ANK3: variants seen among roughly 807,000 people sequenced by gnomAD.
The protein encoded by ANK3 is ankyrin-3.
In ANK3, 57 loss-of-function variants were observed where a neutral mutation model predicts 370.9. That is an observed-to-expected ratio of 0.15 (90% CI 0.12 to 0.19). The LOEUF (loss-of-function observed/expected upper bound fraction) is 0.19, where lower values mean the gene tolerates loss of function less well. Ranked by LOEUF, ANK3 falls within the 10% of genes least tolerant of loss-of-function variation. ANK3 has a pLI of 1.00. For synonymous variants in ANK3, 1,929 were observed against 1,946.3 expected, an observed-to-expected ratio of 0.99 and a Z score of 0.23; for missense variants, 4,439 against 5,302.1, an observed-to-expected ratio of 0.84 and a Z score of 5.06.
intron 2 of ANK3, among the ~76,000 whole-genome samples, chr10:60,443,972 T>C (rs1254056794): frequency 6.6e-6 from 1 of 152,178 alleles, no homozygotes; most frequent in African/African-American, 2.4e-5. Flanking sequence ...CCTTGGGCTC[T>C]TGAACTCACC....
intron 1 of ANK3, among the ~76,000 whole-genome samples, chr10:60,315,674 C>T (rs1482289393): frequency 6.6e-6 from 1 of 152,068 alleles, no homozygotes; most frequent in Non-Finnish European, 1.5e-5. Flanking sequence ...TTTAGCTTCA[C>T]TTGTTTAATT....
At chr10:60,492,396 G>C (rs74826640) in intron 2 of ANK3, among the ~76,000 whole-genome samples, 18,683 of 152,016 alleles carry the variant, frequency 0.12, 1,308 homozygotes, top group African/African-American at 0.18. Flanking sequence ...AACAGCATGA[G>C]GATAGACACT....
chr10:60,555,539 GAACA>G (rs2077187187), intron 2 of ANK3, among the ~76,000 whole-genome samples: 1 of 151,782 alleles, frequency 6.6e-6, no homozygotes, highest in East Asian at 1.9e-4. Context: ...TATAAGGCAA[GAACA>G]AATTTAAAAG....
At chr10:60,352,210 G>C (rs948465866) in intron 1 of ANK3, among the ~76,000 whole-genome samples, 5 of 152,196 alleles carry the variant, frequency 3.3e-5, no homozygotes, top group Non-Finnish European at 5.9e-5. Flanking sequence ...CATGAGAATT[G>C]CTTGAGCCCA....
At chr10:60,559,204 T>A (rs1349549062) in intron 2 of ANK3, among the ~76,000 whole-genome samples, 1 of 152,140 alleles carries the variant, frequency 6.6e-6, no homozygotes, top group African/African-American at 2.4e-5. Context: ...GATGTGGATG[T>A]ACCCATCACC....
intron 1 of ANK3, among the ~76,000 whole-genome samples, chr10:60,715,447 C>T (rs1050767756): frequency 6.6e-6 from 1 of 151,896 alleles, no homozygotes; most frequent in Non-Finnish European, 1.5e-5. Flanking sequence ...AAACATAAAT[C>T]CAAGATTTTA....
rs1187817117 is a variant in ANK3 at position 60,213,365 on chromosome 10, A to G, written c.996+47T>C. On this transcript the variant is annotated intron_variant, in intron 9 of 43. Coordinates refer to ENST00000280772, the MANE Select transcript of ANK3 (RefSeq NM_020987.5). ...ATTCAAAAGGCTAGATCATATAACC[A>G]TCAAAATAAATACAGTCCAATGTCC... is the stretch of plus-strand genomic sequence containing the variant. 4.5e-6 allele frequency: 6 copies of G among 1,346,614 alleles called. No homozygotes were observed. In the African/African-American group the frequency reaches 5.8e-5, roughly 13 times the overall value. The allele number at this position is 1,346,614 out of a possible 1,614,324, so 83.4% of individuals were successfully genotyped here. A position where few individuals can be genotyped will look rare whatever the true frequency, so the allele number is the denominator to read the frequency against.
intron 15 of ANK3, 118 bp downstream of exon 15, chr10:60,196,409 C>T (rs956548776): frequency 2.3e-5 from 21 of 918,316 alleles, no homozygotes; most frequent in Middle Eastern, 2.2e-4. Context: ...AAGTGCTCTT[C>T]ATCCTAGTGG....
chr10:60,636,223 TTCTC>T (rs1371590713), intron 1 of ANK3, among the ~76,000 whole-genome samples: 1 of 152,208 alleles, frequency 6.6e-6, no homozygotes, highest in Admixed American at 6.5e-5. Flanking sequence ...GAAATTTAGC[TTCTC>T]TTTTTCTAAA....
At chr10:60,666,497 G>A (rs1045058037) in intron 1 of ANK3, among the ~76,000 whole-genome samples, 32 of 152,174 alleles carry the variant, frequency 2.1e-4, no homozygotes, top group African/African-American at 7.2e-4. Context: ...GAGTTCTGGA[G>A]ATGAGTGTTT....
chr10:60,232,736 G>T (rs1027709212), intron 8 of ANK3, among the ~76,000 whole-genome samples: 5 of 152,158 alleles, frequency 3.3e-5, no homozygotes, highest in Non-Finnish European at 7.3e-5. Context: ...TAGGGTCAAA[G>T]TACAGAATAC....
At chr10:60,302,335 G>T (rs1454281305) in intron 1 of ANK3, among the ~76,000 whole-genome samples, 2 of 152,064 alleles carry the variant, frequency 1.3e-5, no homozygotes, top group East Asian at 3.9e-4. Flanking sequence ...ATATTATGTT[G>T]AACCATATGA....
At chr10:60,163,451 A>C (rs916973181) in intron 23 of ANK3, among the ~76,000 whole-genome samples, 2 of 152,170 alleles carry the variant, frequency 1.3e-5, no homozygotes, top group Non-Finnish European at 2.9e-5. Context: ...TCAACTTTGC[A>C]ACTTGGCCCC....
chr10:60,471,886 T>C (rs1317016599), intron 2 of ANK3, among the ~76,000 whole-genome samples: 1 of 151,972 alleles, frequency 6.6e-6, no homozygotes, highest in African/African-American at 2.4e-5. Context: ...TACTGGAGCT[T>C]TCCTATACCG....
Position 60,080,507 on chromosome 10 carries a change from G to A in ANK3, c.4432+30C>T, listed in dbSNP as rs748299362. On this transcript the variant is annotated intron_variant, in intron 36 of 43. Coordinates refer to ENST00000280772, the MANE Select transcript of ANK3 (RefSeq NM_020987.5). Reference sequence around the variant, plus strand: ...AATGTCTCTTCTTATGAAAATCCACGTAGATTAGTAAATGTGTTAGGAAAC... The same window carrying A: ...AATGTCTCTTCTTATGAAAATCCACATAGATTAGTAAATGTGTTAGGAAAC... The A allele has an allele frequency of 3.9e-5, 61 of 1,579,200 alleles. 2 individuals are homozygous for A. The highest frequency in any genetic ancestry group is 3.4e-4 in the South Asian group (30 of 88,936).
At chr10:60,658,341 C>T (rs1003341735) in intron 1 of ANK3, among the ~76,000 whole-genome samples, 1 of 151,398 alleles carries the variant, frequency 6.6e-6, no homozygotes, top group African/African-American at 2.4e-5. Flanking sequence ...TCTGCTGTAT[C>T]TCTTCATTTT....
chr10:60,144,344 A>C (rs2094709118), intron 23 of ANK3: 1 of 290,310 alleles, frequency 3.4e-6, no homozygotes, highest in African/African-American at 2.3e-5. Flanking sequence ...ATGTGCATAC[A>C]CAAAGCCCAG....
chr10:60,069,821 G>A lies in ANK3; in HGVS notation c.11060C>T (p.Pro3687Leu), dbSNP rs201289326. 9.3e-5 allele frequency: 150 copies of A among 1,614,040 alleles called. No homozygotes were observed. Among genetic ancestry groups the A allele is most frequent in the Middle Eastern group, 1.7e-4 (1 of 6,060 alleles). The stretch of plus-strand genomic sequence containing the variant: ...GCCTTCCTGACACTCTCCGCTGGTC[G>A]GGATGCTGGGGTTAGGTTCCACTGT... Reference protein sequence around the residue: ...TPTVEPNPSIPTSGECQEGTS... With the variant: ...TPTVEPNPSILTSGECQEGTS... Residue 3687 changes from proline (P) to leucine (L), a missense_variant, in exon 37 of 44, where the codon CCG becomes CTG. By Grantham distance (98) the Pro-to-Leu change is moderately conservative (BLOSUM62 -3). Coordinates refer to ENST00000280772, the MANE Select transcript of ANK3 (RefSeq NM_020987.5).
At chr10:60,468,806 T>C (rs1413673119) in intron 2 of ANK3, among the ~76,000 whole-genome samples, 2 of 151,586 alleles carry the variant, frequency 1.3e-5, no homozygotes, top group Admixed American at 6.6e-5. Flanking sequence ...TGATTTGTTA[T>C]TGCACACCAT....
Sources: allele counts gnomAD v4.1 joint callset (sites outside exome capture counted in the v4.1 genomes callset), GRCh38; gene constraint gnomAD v4.1.1; transcripts MANE v1.5; gene names NCBI Gene and HGNC (gene_info 2026-07-23, HGNC 2026-07-21).